Variants in PCDHGA6 observed in about 807,000 individuals in gnomAD.
PCDHGA6 encodes the protein protocadherin gamma-A6.
In PCDHGA6, 41 loss-of-function variants were observed where a neutral mutation model predicts 60.6. That is an observed-to-expected ratio of 0.68 (90% confidence interval 0.53 to 0.88). The LOEUF is 0.88. PCDHGA6 is among the 40% of genes least tolerant of loss of function. PCDHGA6 has a pLI of 0.00. For missense variants in PCDHGA6, 1,312 were observed against 1,203.0 expected (o/e 1.09, Z -1.34); for synonymous variants, 594 against 524.4 (o/e 1.13, Z -1.81).
intron 1 of PCDHGA6, chr5:141,415,453 G>A (rs759873920): frequency 1.9e-6 from 3 of 1,614,176 alleles, no homozygotes. Context: ...CTATTCCCAC[G>A]AGGTCTCTCT....
intron 1 of PCDHGA6, chr5:141,394,240 C>G (rs1392586422): frequency 6.2e-7 from 1 of 1,613,822 alleles, no homozygotes; most frequent in African/African-American, 1.3e-5. Flanking sequence ...TCCTTGACTG[C>G]ACACGACCCC....
chr5:141,412,963 G>T, intron 1 of PCDHGA6: 1 of 518,228 alleles, frequency 1.9e-6, no homozygotes, highest in East Asian at 3.1e-5. Context: ...TCACCTACTA[G>T]GAGAGAAAAC....
In PCDHGA6 at chr5:141,490,462, ACCAG is replaced by A; in HGVS notation, c.2425-4338_2425-4335del. On this transcript the variant is annotated intron_variant, in intron 1 of 3. Coordinates refer to ENST00000517434, the MANE Select transcript of PCDHGA6 (RefSeq NM_018919.3). The surrounding 1 kb of genome is among the most constrained non-coding windows in gnomAD (Gnocchi z 5.4). ...TTCTGAGAACCACTACTCGCTGCTA[ACCAG>A]CCAGCCTTTGGACCGGGAGGCCACA... 1 of 1,614,198 alleles carries A rather than the reference ACCAG, an allele frequency of 6.2e-7. No homozygotes were observed.
chr5:141,401,819 G>A (rs2094196222), intron 1 of PCDHGA6, among the ~76,000 whole-genome samples: 3 of 152,280 alleles, frequency 2.0e-5, no homozygotes, highest in Middle Eastern at 3.4e-3. Flanking sequence ...TCCTTACAAA[G>A]TGCTGAGATT....
chr5:141,392,081 T>A lies in PCDHGA6; in HGVS notation c.2424+15574T>A, dbSNP rs376097159. 3.3e-5 allele frequency: 5 copies of A among 152,350 alleles called. No individual in the cohort carries two copies. In the East Asian group the frequency reaches 7.7e-4, roughly 23 times the overall value. The allele number at this position is 152,350 out of a possible 1,614,324, so 9.4% of individuals were successfully genotyped here. A position where few individuals can be genotyped will look rare whatever the true frequency, so the allele number is the denominator to read the frequency against. On this transcript the variant is annotated intron_variant, in intron 1 of 3. Coordinates refer to ENST00000517434, the MANE Select transcript of PCDHGA6 (RefSeq NM_018919.3). ...TATCGACATGTAATTCAAGTGGCAT[T>A]TAGAAGAATAATTTAAAAGCAACAA...
At chr5:141,449,212 GT>G (rs1405401595) in intron 1 of PCDHGA6, among the ~76,000 whole-genome samples, 1 of 152,134 alleles carries the variant, frequency 6.6e-6, no homozygotes, top group African/African-American at 2.4e-5. Context: ...CTAACTTTCT[GT>G]TTTGAAATGA....
rs200348921 is a variant in PCDHGA6 at position 141,374,104 on chromosome 5, T to C, written c.21T>C (p.His7=). Residue 7 remains histidine, a synonymous_variant, in exon 1 of 4, where the codon CAT becomes CAC. Transcript: ENST00000517434. MAPPQR[H]PQRSEQVLLL... ...CAGTAATGGCGCCTCCGCAGAGGCA[T>C]CCGCAGCGCAGCGAGCAGGTCCTGC... The C allele has an allele frequency of 1.6e-4, 247 of 1,570,492 alleles. No homozygotes were observed. Among genetic ancestry groups the C allele is most frequent in the African/African-American group, 4.1e-5 (3 of 73,620 alleles).
chr5:141,395,797 A>G (rs56946131), intron 1 of PCDHGA6: 16,957 of 151,702 alleles, frequency 0.11, 1,119 homozygotes, highest in African/African-American at 0.18. Flanking sequence ...ACTTCTTACC[A>G]TCCTTCAAAA....
intron 1 of PCDHGA6, among the ~76,000 whole-genome samples, chr5:141,468,758 C>T (rs929005462): frequency 6.6e-5 from 10 of 151,684 alleles, no homozygotes; most frequent in African/African-American, 2.2e-4. Context: ...CCCAGCTACT[C>T]GGGAGGCTGA....
Position 141,422,537 on chromosome 5 carries a change from C to T in PCDHGA6, c.2424+46030C>T, listed in dbSNP as rs993210917. 2.5e-6 allele frequency: 4 copies of T among 1,613,874 alleles called. No individual in the cohort carries two copies. Among genetic ancestry groups the T allele is most frequent in the Non-Finnish European group, 3.4e-6 (4 of 1,179,894 alleles). ...GGAAGCCCGCCTTTGTCTGCAGAAA[C>T]TCATGTCTGGCTGAATGTGGCAGAT... is the stretch of plus-strand genomic sequence containing the variant. On this transcript the variant is annotated intron_variant, in intron 1 of 3. Coordinates refer to ENST00000517434, the MANE Select transcript of PCDHGA6 (RefSeq NM_018919.3).
chr5:141,505,270 G>A (rs550800630), intron 2 of PCDHGA6, 123 bp from the exon 3 acceptor site: 103 of 1,520,724 alleles, frequency 6.8e-5, no homozygotes, highest in Middle Eastern at 4.6e-4. Context: ...CTTGCTGAGA[G>A]AAACAGGTCT....
chr5:141,450,555 C>T (rs958577638), intron 1 of PCDHGA6, among the ~76,000 whole-genome samples: 4 of 151,710 alleles, frequency 2.6e-5, no homozygotes, highest in East Asian at 1.9e-4. Flanking sequence ...GGCGCAGTCT[C>T]GGCTCACTGC....
chr5:141,485,768 C>G lies in PCDHGA6; in HGVS notation c.2425-9039C>G. ...GGTCCCAGAGCTGCTCCTGGAGAAG[C>G]CTTTGGATCGAGAGAAGCAATCGGA... On this transcript the variant is annotated intron_variant, in intron 1 of 3. Coordinates refer to ENST00000517434, the MANE Select transcript of PCDHGA6 (RefSeq NM_018919.3). The surrounding 1 kb of genome is among the most constrained non-coding windows in gnomAD (Gnocchi z 5.7). 5 of 1,614,192 alleles carry G rather than the reference C, an allele frequency of 3.1e-6. No homozygotes were observed. The South Asian group carries it at 3.3e-5, about 11-fold the overall frequency.
At chr5:141,405,104 C>A in intron 1 of PCDHGA6, 3 of 1,613,940 alleles carry the variant, frequency 1.9e-6, no homozygotes, top group Non-Finnish European at 2.5e-6. Flanking sequence ...CAGGCTGAGG[C>A]ACTGGCACTC....
chr5:141,374,540 C>G lies in PCDHGA6; in HGVS notation c.457C>G (p.Pro153Ala). 1 of 1,613,264 alleles carries G rather than the reference C, an allele frequency of 6.2e-7. No individual in the cohort carries two copies. Among genetic ancestry groups the G allele is most frequent in the Non-Finnish European group, 8.5e-7 (1 of 1,179,322 alleles). Residue 153 changes from proline to alanine, a missense_variant, in exon 1 of 4, where the codon CCA becomes GCA. Pro to Ala is a conservative substitution (Grantham distance 27). Coordinates refer to ENST00000517434, the MANE Select transcript of PCDHGA6 (RefSeq NM_018919.3). ...AAACGCAGCTCCATCCTCTCGTTTT[C>G]CACTAATGGAGGTCTATGACCCTGA... ...LENAAPSSRF[P>A]LMEVYDPDVG...
rs1267722283 is a variant in PCDHGA6 at position 141,493,105 on chromosome 5, G to A, written c.2425-1702G>A. Reference sequence around the variant, plus strand: ...GAGCTTTTATTCAAAATATATCAATGCCTAACTCTGCTCCTAGGACTGTAT... The same window carrying A: ...GAGCTTTTATTCAAAATATATCAATACCTAACTCTGCTCCTAGGACTGTAT... On this transcript the variant is annotated intron_variant, in intron 1 of 3. Coordinates refer to ENST00000517434, the MANE Select transcript of PCDHGA6 (RefSeq NM_018919.3). This position sits in a 1 kb window ranked among gnomAD's most constrained non-coding sequence, Gnocchi z 4.3. Among the ~76,000 whole-genome samples, 1 of 152,076 alleles carries A rather than the reference G, an allele frequency of 6.6e-6. No homozygotes were observed. Among genetic ancestry groups the A allele is most frequent in the Non-Finnish European group, 1.5e-5 (1 of 67,994 alleles).
chr5:141,437,478 T>G (rs942305423), intron 1 of PCDHGA6, among the ~76,000 whole-genome samples: 2 of 152,210 alleles, frequency 1.3e-5, no homozygotes, highest in African/African-American at 2.4e-5. Flanking sequence ...TATAGCATAT[T>G]TAATCTCGTA....
intron 1 of PCDHGA6, chr5:141,413,354 C>T: frequency 6.2e-7 from 1 of 1,613,974 alleles, no homozygotes; most frequent in South Asian, 1.1e-5. Flanking sequence ...GGTCTGGCGC[C>T]CCGGGAGCTG....
intron 1 of PCDHGA6, chr5:141,390,422 G>A: frequency 9.3e-7 from 1 of 1,071,928 alleles, no homozygotes; most frequent in South Asian, 1.6e-5. Flanking sequence ...CAGTTAAAAA[G>A]CTGTCATATC....
Sources: gnomAD v4.1 joint callset for allele counts (sites outside exome capture counted in the v4.1 genomes callset) on GRCh38, gnomAD v4.1.1 for gene constraint, Gnocchi (gnomAD v3.1) non-coding constraint, MANE v1.5 for transcripts, NCBI Gene and HGNC (gene_info 2026-07-23, HGNC 2026-07-21) for gene names.